NCKAP1: variants seen among roughly 807,000 people sequenced by gnomAD.
NCKAP1 encodes NCK associated protein 1, also known as nck-associated protein 1.
A neutral mutation model predicts 151.2 loss-of-function variants in NCKAP1; 21 were observed. That is an observed-to-expected ratio of 0.14 (90% CI 0.10 to 0.20). The LOEUF is 0.20. Ranked by LOEUF, NCKAP1 falls within the 10% of genes least tolerant of loss-of-function variation. The pLI, the probability that NCKAP1 is intolerant of heterozygous loss-of-function variation, is 1.00. For synonymous variants in NCKAP1, 484 were observed against 451.8 expected (o/e 1.07, Z -0.90); for missense variants, 933 against 1,352.1 (o/e 0.69, Z 4.86).
chr2:182,927,854 C>T (rs776507587), intron 29 of NCKAP1, among the ~76,000 whole-genome samples: 16 of 151,722 alleles, frequency 1.1e-4, no homozygotes, highest in Admixed American at 4.6e-4. Context: ...AAGAGACTTC[C>T]GAGTCTAAGG....
chr2:182,940,577 T>A (rs756700838), intron 24 of NCKAP1, among the ~76,000 whole-genome samples: 1 of 152,122 alleles, frequency 6.6e-6, no homozygotes, highest in Non-Finnish European at 1.5e-5. Context: ...GTAGCTGGGA[T>A]TATAAGCATG....
chr2:182,949,258 G>C (rs1697166745), intron 23 of NCKAP1, among the ~76,000 whole-genome samples: 1 of 152,190 alleles, frequency 6.6e-6, no homozygotes, highest in Non-Finnish European at 1.5e-5. Flanking sequence ...GAGTAGGTTA[G>C]ATGACTACTG....
At chr2:182,933,389 A>ATTTT (rs35213776) in intron 26 of NCKAP1, among the ~76,000 whole-genome samples, 1,577 of 123,958 alleles carry the variant, frequency 0.013, 47 homozygotes, top group African/African-American at 0.045. Context: ...GTGGCACCAC[A>ATTTT]TTTTTTTTTT....
chr2:183,002,706 C>G (rs1698396853), intron 4 of NCKAP1, among the ~76,000 whole-genome samples: 1 of 151,762 alleles, frequency 6.6e-6, no homozygotes, highest in African/African-American at 2.4e-5. Context: ...AAAATATTAT[C>G]CACTTAACTT....
chr2:182,978,882 T>A lies in NCKAP1; in HGVS notation c.1375A>T (p.Ile459Phe). 6.2e-7 allele frequency: 1 copy of A among 1,609,158 alleles called. No individual in the cohort carries two copies. The highest frequency in any genetic ancestry group is 1.7e-4 in the Middle Eastern group (1 of 6,030). ...LSVCPEDESI[I>F]MSSFVNTMTS... ...ATAGTGTTAACAAAAGAGGACATGA[T>A]GATTGATTCATCTTCAGGGCAAACA... Residue 459 changes from isoleucine (I) to phenylalanine (F), a missense_variant, in exon 14 of 31, where the codon ATC becomes TTC. Ile to Phe is a conservative substitution (Grantham distance 21). This residue lies in a region of NCKAP1 where 607 missense variants were observed against 795.0 expected (regional missense o/e 0.76). Coordinates refer to ENST00000361354, the MANE Select transcript of NCKAP1 (RefSeq NM_013436.5).
rs1353320307 is a variant in NCKAP1, at chr2:182,912,984, G to C, written c.*12718C>G. ...ATGCATTCACCTATCCATTGGCCAT[G>C]GTTACTATCATTGAAACTTTCACTT... On this transcript the variant is annotated 3_prime_UTR_variant, in exon 31 of 31. Transcript: ENST00000361354. 6.6e-6 allele frequency: 1 copy of C among 152,174 alleles called. No individual in the cohort carries two copies. The highest frequency in any genetic ancestry group is 1.5e-5 in the Non-Finnish European group (1 of 68,030). 9.4% of individuals were successfully genotyped at this position (152,174 alleles called of 1,614,324 possible). A position where few individuals can be genotyped will look rare whatever the true frequency, so the allele number is the denominator to read the frequency against.
At chr2:182,961,264 T>C (rs573617261) in intron 18 of NCKAP1, among the ~76,000 whole-genome samples, 2 of 152,300 alleles carry the variant, frequency 1.3e-5, no homozygotes, top group Admixed American at 1.3e-4. Flanking sequence ...AACATGCTGC[T>C]ATAAAGACAC....
Position 183,001,241 on chromosome 2 carries a change from C to G in NCKAP1, c.603+712G>C, listed in dbSNP as rs142893357. Among the ~76,000 whole-genome samples, 331 of 152,276 alleles carry G rather than the reference C, an allele frequency of 2.2e-3. 2 individuals are homozygous for G. The highest frequency in any genetic ancestry group is 7.7e-3 in the African/African-American group (321 of 41,562). ...CCAAATGACTTACCTTGTCATGATA[C>G]TGCTCCAGCCCTTAATCCTTAGCTA... On this transcript the variant is annotated intron_variant, in intron 6 of 30. Transcript: ENST00000361354.
chr2:183,008,101 T>C (rs1342874358), intron 2 of NCKAP1, among the ~76,000 whole-genome samples: 8 of 152,102 alleles, frequency 5.3e-5, no homozygotes, highest in Non-Finnish European at 8.8e-5. Flanking sequence ...TAATTTTATA[T>C]TTTTAGTAGA....
At chr2:183,023,467 AG>A (rs1157134509) in intron 2 of NCKAP1, among the ~76,000 whole-genome samples, 1 of 152,196 alleles carries the variant, frequency 6.6e-6, no homozygotes, top group African/African-American at 2.4e-5. Flanking sequence ...TAACTTCAAC[AG>A]GAAGTTTATG....
intron 15 of NCKAP1, among the ~76,000 whole-genome samples, chr2:182,975,545 C>T (rs1054899031): frequency 6.6e-6 from 1 of 151,992 alleles, no homozygotes; most frequent in Non-Finnish European, 1.5e-5. Context: ...AAATGGCTTC[C>T]ACAAAAAAAT....
chr2:182,992,794 T>C (rs544455676), intron 8 of NCKAP1, among the ~76,000 whole-genome samples: 3 of 152,176 alleles, frequency 2.0e-5, no homozygotes, highest in East Asian at 1.9e-4. Context: ...AGACTAAGTA[T>C]TGGAACAGGG....
Position 183,002,007 on chromosome 2 carries a change from C to T in NCKAP1, c.549G>A (p.Val183=). Residue 183 remains valine (V), a synonymous_variant, in exon 6 of 31, where the codon GTG becomes GTA. Transcript: ENST00000361354. ...TCTTCTTTAAAGGGTTTTCATAATC[C>T]ACAATCATCTGGCCAAGGCGTGGGT... is the stretch of plus-strand genomic sequence containing the variant. ...REYPRLGQMI[V]DYENPLKKMM... 6.2e-7 allele frequency: 1 copy of T among 1,613,752 alleles called. No homozygotes were observed. Among genetic ancestry groups the T allele is most frequent in the South Asian group, 1.1e-5 (1 of 91,070 alleles).
intron 30 of NCKAP1, 142 bp from the exon 31 acceptor site, chr2:182,925,960 T>C: frequency 2.4e-6 from 1 of 421,660 alleles, no homozygotes; most frequent in Non-Finnish European, 4.3e-6. Context: ...AATAGACACA[T>C]ATTATTTTCC....
rs1697528650 is a variant in NCKAP1 at position 182,964,721 on chromosome 2, A to G, written c.1716T>C (p.Leu572=). ...QSRYSIAFPL[L]CTHFMSCTHE... is the part of the protein sequence containing the mutation. The stretch of plus-strand genomic sequence containing the variant: ...GCGTGCAACTCATAAAATGAGTGCA[A>G]AGTAGTGGAAATGCAATTGAGTATC... Residue 572 remains leucine (L), a synonymous_variant, in exon 17 of 31, where the codon CTT becomes CTC. Transcript: ENST00000361354. 3.7e-6 allele frequency: 6 copies of G among 1,609,938 alleles called. No individual in the cohort carries two copies. Among genetic ancestry groups the G allele is most frequent in the African/African-American group, 1.3e-5 (1 of 74,800 alleles).
At chr2:182,974,895 G>A (rs1697774589) in intron 15 of NCKAP1, among the ~76,000 whole-genome samples, 1 of 152,036 alleles carries the variant, frequency 6.6e-6, no homozygotes, top group African/African-American at 2.4e-5. Flanking sequence ...CTACACATAG[G>A]AATAATCAGG....
rs779299659 is a variant in NCKAP1, at chr2:183,023,887, G to C, written c.138C>G (p.Ser46=). The change falls in exon 2 of 31, where the codon TCC becomes TCG. Residue 46 remains serine (S), a synonymous_variant. Coordinates refer to ENST00000361354, the MANE Select transcript of NCKAP1 (RefSeq NM_013436.5). ...ATTCCAGGTTTTTGTCGATAAGATAGGATGGTTTTGCCTTGGGGTCTCCAC... is the reference window on the plus strand; with the variant it reads ...ATTCCAGGTTTTTGTCGATAAGATACGATGGTTTTGCCTTGGGGTCTCCAC... ...KACGDPKAKP[S]YLIDKNLESA... is the part of the protein sequence containing the mutation. The C allele has an allele frequency of 3.0e-5, 49 of 1,612,402 alleles. No individual in the cohort carries two copies. The highest frequency in any genetic ancestry group is 1.9e-5 in the Non-Finnish European group (22 of 1,179,074).
intron 20 of NCKAP1, 36 bp from the exon 21 acceptor site, chr2:182,953,367 TGAC>T (rs763008865): frequency 6.9e-7 from 1 of 1,445,952 alleles, no homozygotes; most frequent in East Asian, 2.3e-5. Context: ...GAAAAGCCTC[TGAC>T]TTTTCCATTC....
intron 1 of NCKAP1, among the ~76,000 whole-genome samples, chr2:183,035,283 TAAA>T (rs962780096): frequency 6.9e-6 from 1 of 144,162 alleles, no homozygotes; most frequent in Non-Finnish European, 1.5e-5. Flanking sequence ...CTGATGAAAT[TAAA>T]AAAAAAAAAC....
Sources: allele counts gnomAD v4.1 joint callset (sites outside exome capture counted in the v4.1 genomes callset), GRCh38; gene constraint gnomAD v4.1.1; regional missense constraint gnomAD v4.1.1; transcripts MANE v1.5; gene names NCBI Gene and HGNC (gene_info 2026-07-23, HGNC 2026-07-21).